The following SEMA5A variants were observed in gnomAD, a reference collection of about 807,000 sequenced individuals.
The protein encoded by SEMA5A is semaphorin-5A.
Under a neutral mutation model 135.5 loss-of-function variants are expected in SEMA5A, and 55 were observed. The ratio of observed to expected loss-of-function variants is 0.41; its 90% confidence interval spans 0.33 to 0.51. The LOEUF (loss-of-function observed/expected upper bound fraction) is 0.51, where lower values mean the gene tolerates loss of function less well. Among genes scored for constraint, SEMA5A ranks in the 20% least tolerant of loss-of-function variants. The pLI, the probability that SEMA5A is intolerant of heterozygous loss-of-function variation, is 0.37. For synonymous variants in SEMA5A, 580 were observed against 546.5 expected (o/e 1.06, Z -0.85); for missense variants, 1,290 against 1,419.9 (o/e 0.91, Z 1.47).
chr5:9,115,198 T>C (rs970854667), intron 15 of SEMA5A, among the ~76,000 whole-genome samples: 6 of 152,266 alleles, frequency 3.9e-5, no homozygotes, highest in African/African-American at 1.4e-4. Context: ...AAAATACACA[T>C]GAAAGGCTGC....
intron 8 of SEMA5A, among the ~76,000 whole-genome samples, chr5:9,207,651 T>C (rs1746104824): frequency 6.6e-6 from 1 of 152,222 alleles, no homozygotes; most frequent in Non-Finnish European, 1.5e-5. Context: ...AGACCCTCTC[T>C]GTATTGGGTA....
chr5:9,293,625 G>A (rs529492808), intron 5 of SEMA5A, among the ~76,000 whole-genome samples: 1 of 152,200 alleles, frequency 6.6e-6, no homozygotes, highest in Admixed American at 6.5e-5. Flanking sequence ...TTCCTTTCAT[G>A]CCTGTTGCAC....
chr5:9,438,315 T>A (rs1250326814), intron 1 of SEMA5A, among the ~76,000 whole-genome samples: 1 of 152,172 alleles, frequency 6.6e-6, no homozygotes, highest in Non-Finnish European at 1.5e-5. Context: ...TGCTAGAAAT[T>A]TGAGTTTGTA....
intron 11 of SEMA5A, among the ~76,000 whole-genome samples, chr5:9,157,569 A>G (rs1806136): frequency 0.55 from 83,783 of 152,006 alleles, 25,819 homozygotes; most frequent in Middle Eastern, 0.77. Flanking sequence ...CCACTCCTGC[A>G]GCTTCCTCTA....
intron 1 of SEMA5A, among the ~76,000 whole-genome samples, chr5:9,481,720 G>A (rs1422367415): frequency 1.3e-5 from 2 of 152,068 alleles, no homozygotes; most frequent in Non-Finnish European, 1.5e-5. Context: ...AATTACAGGT[G>A]GCGGCAAGCT....
chr5:9,091,743 A>G (rs1321582932), intron 16 of SEMA5A, among the ~76,000 whole-genome samples: 1 of 152,180 alleles, frequency 6.6e-6, no homozygotes, highest in African/African-American at 2.4e-5. Flanking sequence ...CGGCACCCTC[A>G]GGACCATAAG....
chr5:9,543,851 A>C (rs1237790987), intron 1 of SEMA5A, among the ~76,000 whole-genome samples: 1 of 144,918 alleles, frequency 6.9e-6, no homozygotes, highest in African/African-American at 2.5e-5. Context: ...AAAAAAAAAA[A>C]CATAGAAAAA....
intron 3 of SEMA5A, among the ~76,000 whole-genome samples, chr5:9,354,843 A>AT (rs1274019669): frequency 6.6e-6 from 1 of 152,176 alleles, no homozygotes; most frequent in African/African-American, 2.4e-5. Flanking sequence ...AAAAAGCCAC[A>AT]TAGAGGTCTA....
intron 17 of SEMA5A, among the ~76,000 whole-genome samples, chr5:9,064,696 C>T (rs977960264): frequency 4.6e-5 from 7 of 152,110 alleles, no homozygotes; most frequent in Non-Finnish European, 1.0e-4. Context: ...CACTGTACTC[C>T]AGCCTGGGCA....
intron 1 of SEMA5A, among the ~76,000 whole-genome samples, chr5:9,530,204 G>C (rs1005472728): frequency 2.0e-5 from 3 of 152,208 alleles, no homozygotes; most frequent in Admixed American, 6.5e-5. Flanking sequence ...ACTGTTTGCT[G>C]TGTTGAGTTA....
chr5:9,509,529 C>T (rs1736092465), intron 1 of SEMA5A, among the ~76,000 whole-genome samples: 2 of 152,206 alleles, frequency 1.3e-5, no homozygotes, highest in Admixed American at 1.3e-4. Context: ...CCCACCTTGG[C>T]CTCCCAAAGT....
intron 6 of SEMA5A, among the ~76,000 whole-genome samples, chr5:9,230,158 C>CTTTT (rs5865817): frequency 0.01 from 1,000 of 98,118 alleles, no homozygotes; most frequent in East Asian, 0.02. Context: ...CTATTTTTTT[C>CTTTT]TTTTTTTTTT....
chr5:9,219,871 G>C (rs1203806007), intron 8 of SEMA5A, among the ~76,000 whole-genome samples: 1 of 152,216 alleles, frequency 6.6e-6, no homozygotes, highest in African/African-American at 2.4e-5. Flanking sequence ...CATCCAGCTG[G>C]AAGTGAACAT....
At chr5:9,169,346 C>T (rs964226183) in intron 11 of SEMA5A, among the ~76,000 whole-genome samples, 1 of 152,174 alleles carries the variant, frequency 6.6e-6, no homozygotes, top group Admixed American at 6.5e-5. Context: ...TAAGTTTCTC[C>T]TATATCTTGA....
At position 9,049,096 on chromosome 5, in the gene SEMA5A, GAACT is replaced by G. The variant is rs1490151845; in HGVS notation, c.2893+1310_2893+1313del. Reference sequence around the variant, plus strand: ...TGAATGAATGACTGAATGAATGAATGAACTAACAGACTGCTGACTGAGCAGACAG... The same window carrying G: ...TGAATGAATGACTGAATGAATGAATGAACAGACTGCTGACTGAGCAGACAG... On this transcript the variant is annotated intron_variant, in intron 21 of 22. Coordinates refer to ENST00000382496, the MANE Select transcript of SEMA5A (RefSeq NM_003966.3). Among the ~76,000 whole-genome samples, 9 of 152,324 alleles carry G rather than the reference GAACT, an allele frequency of 5.9e-5. No individual in the cohort carries two copies. The East Asian group carries it at 1.7e-3, about 29-fold the overall frequency.
chr5:9,138,849 A>G (rs890965927), intron 12 of SEMA5A, among the ~76,000 whole-genome samples: 4 of 152,240 alleles, frequency 2.6e-5, no homozygotes, highest in Admixed American at 6.5e-5. Context: ...GAGTGAGAAC[A>G]TGCGACGTTT....
intron 1 of SEMA5A, among the ~76,000 whole-genome samples, chr5:9,521,159 C>T (rs1287577052): frequency 2.0e-5 from 3 of 152,172 alleles, no homozygotes; most frequent in East Asian, 1.9e-4. Context: ...CCTGTAATCC[C>T]AGCACTTTGG....
chr5:9,195,171 ATTC>A (rs958204153), intron 10 of SEMA5A, among the ~76,000 whole-genome samples: 5 of 152,156 alleles, frequency 3.3e-5, no homozygotes, highest in African/African-American at 1.2e-4. Context: ...CAAATAAATG[ATTC>A]TTTTTTGATT....
chr5:9,269,027 C>T (rs1013682445), intron 5 of SEMA5A, among the ~76,000 whole-genome samples: 1 of 152,118 alleles, frequency 6.6e-6, no homozygotes, highest in African/African-American at 2.4e-5. Context: ...TTTTGTTTCT[C>T]CAGGTTGCAA....
Sources: allele counts gnomAD v4.1 joint callset (sites outside exome capture counted in the v4.1 genomes callset), GRCh38; gene constraint gnomAD v4.1.1; transcripts MANE v1.5; gene names NCBI Gene and HGNC (gene_info 2026-07-23, HGNC 2026-07-21).